DPPA3: variants seen among roughly 807,000 people sequenced by gnomAD.
DPPA3 encodes the protein developmental pluripotency associated 3.
DPPA3 carries 9 observed loss-of-function variants against 15.6 expected under a neutral mutation model. That is an observed-to-expected ratio of 0.58 (90% CI 0.35 to 1.01). The LOEUF (loss-of-function observed/expected upper bound fraction) is 1.01. DPPA3 is among the 50% of genes least tolerant of loss of function. The probability of loss-of-function intolerance (pLI) is 0.02; values close to 1 mark genes in which losing one functional copy is unlikely to be tolerated. For missense variants in DPPA3, 148 were observed against 194.6 expected (o/e 0.76, Z 1.42); for synonymous variants, 61 against 70.9 (o/e 0.86, Z 0.70).
At position 7,711,599 on chromosome 12, in the gene DPPA3, A is replaced by G. The variant is rs1837492829; in HGVS notation, c.29A>G (p.Tyr10Cys). 3 of 1,613,754 alleles carry G rather than the reference A, an allele frequency of 1.9e-6. No homozygotes were observed. The highest frequency in any genetic ancestry group is 2.2e-5 in the East Asian group (1 of 44,838). Residue 10 changes from tyrosine (Y) to cysteine (C), a missense_variant, in exon 1 of 4, where the codon TAC becomes TGC. Tyr to Cys is a radical substitution (Grantham distance 194). Coordinates refer to ENST00000345088, the MANE Select transcript of DPPA3 (RefSeq NM_199286.4). MDPSQFNPT[Y>C]IPGSPQMLTE... ...GACCCATCACAGTTTAATCCAACCT[A>G]CATCCCAGGGTCTCCACAAATGCTC...
chr12:7,712,583 A>AT (rs1230984092), intron 1 of DPPA3, among the ~76,000 whole-genome samples: 1 of 151,984 alleles, frequency 6.6e-6, no homozygotes, highest in Non-Finnish European at 1.5e-5. Flanking sequence ...AAGTAGCTGG[A>AT]TTACAGGCAT....
chr12:7,713,663 G>A (rs1297367651), intron 1 of DPPA3, among the ~76,000 whole-genome samples: 1 of 152,174 alleles, frequency 6.6e-6, no homozygotes, highest in Non-Finnish European at 1.5e-5. Flanking sequence ...CCATGAAGGA[G>A]CTGGGCAACT....
Position 7,716,203 on chromosome 12 carries a change from A to T in DPPA3, c.333A>T (p.Glu111Asp). ...CATATTTTTTTCCCATGAAGCATGAAAGAAGACCAACAAACAAGGAGCCTA... is the reference window on the plus strand; with the variant it reads ...CATATTTTTTTCCCATGAAGCATGATAGAAGACCAACAAACAAGGAGCCTA... ...YMLLGGVRTHERRPTNKEPKG... is the reference protein window; with the variant it reads ...YMLLGGVRTHDRRPTNKEPKG... Residue 111 changes from glutamate (E) to aspartate (D), a missense_variant, in exon 3 of 4, where the codon GAA (glutamate) becomes GAT (aspartate). Coordinates refer to ENST00000345088, the MANE Select transcript of DPPA3 (RefSeq NM_199286.4). The T allele has an allele frequency of 1.2e-6, 2 of 1,606,010 alleles. No individual in the cohort carries two copies. Among genetic ancestry groups the T allele is most frequent in the Non-Finnish European group, 1.7e-6 (2 of 1,175,898 alleles).
intron 1 of DPPA3, 40 bp downstream of exon 1, chr12:7,711,692 G>A (rs200760170): frequency 1.1e-5 from 16 of 1,396,138 alleles, no homozygotes; most frequent in South Asian, 2.5e-5. Context: ...CTGACTATAG[G>A]GGGGTTGGGA....
chr12:7,712,953 G>A (rs917671541), intron 1 of DPPA3, among the ~76,000 whole-genome samples: 1 of 152,216 alleles, frequency 6.6e-6, no homozygotes. Context: ...AAAATGGAAG[G>A]GAGAGGCCGT....
At chr12:7,713,373 T>A (rs1864366585) in intron 1 of DPPA3, among the ~76,000 whole-genome samples, 1 of 152,228 alleles carries the variant, frequency 6.6e-6, no homozygotes, top group Non-Finnish European at 1.5e-5. Context: ...TCCCTTTCCT[T>A]GCGTCTGCCT....
intron 1 of DPPA3, among the ~76,000 whole-genome samples, chr12:7,713,060 T>C (rs1162686283): frequency 6.6e-6 from 1 of 152,216 alleles, no homozygotes; most frequent in African/African-American, 2.4e-5. Flanking sequence ...ATAGGCCGGG[T>C]CTTCCGGTGG....
rs1406392754 is a variant in DPPA3, at chr12:7,716,977, G to T, written c.380G>T (p.Arg127Ile). 15 of 1,612,344 alleles carry T rather than the reference G, an allele frequency of 9.3e-6. No individual in the cohort carries two copies. Among genetic ancestry groups the T allele is most frequent in the East Asian group, 2.2e-5 (1 of 44,838 alleles). Reference sequence around the variant, plus strand: ...ATCATTTTTTTTCAGAAGGAATCAAGACCATTCAAATGTCCCTGCAGTTTC... The same window carrying T: ...ATCATTTTTTTTCAGAAGGAATCAATACCATTCAAATGTCCCTGCAGTTTC... Reference protein sequence around the residue: ...KEPKGVKKESRPFKCPCSFCV... With the variant: ...KEPKGVKKESIPFKCPCSFCV... Residue 127 changes from arginine (R) to isoleucine (I), a missense_variant, in exon 4 of 4, where the codon AGA (arginine) becomes ATA (isoleucine). Coordinates refer to ENST00000345088, the MANE Select transcript of DPPA3 (RefSeq NM_199286.4).
In DPPA3 at chr12:7,711,605, C is replaced by T. The variant is rs765403550; in HGVS notation, c.35C>T (p.Pro12Leu). 8.7e-6 allele frequency: 14 copies of T among 1,613,604 alleles called. No homozygotes were observed. The highest frequency in any genetic ancestry group is 1.3e-5 in the African/African-American group (1 of 74,860). ...TCACAGTTTAATCCAACCTACATCCCAGGGTCTCCACAAATGCTCACCGAA... is the reference window on the plus strand; with the variant it reads ...TCACAGTTTAATCCAACCTACATCCTAGGGTCTCCACAAATGCTCACCGAA... ...DPSQFNPTYI[P>L]GSPQMLTEEN... The change falls in exon 1 of 4, where the codon CCA becomes CTA. Residue 12 changes from proline to leucine, a missense_variant. Coordinates refer to ENST00000345088, the MANE Select transcript of DPPA3 (RefSeq NM_199286.4).
intron 1 of DPPA3, among the ~76,000 whole-genome samples, chr12:7,714,601 G>A (rs951408846): frequency 3.3e-5 from 5 of 151,840 alleles, no homozygotes; most frequent in Non-Finnish European, 5.9e-5. Context: ...GCAAACCTCC[G>A]CTTCCCGGAT....
intron 1 of DPPA3, among the ~76,000 whole-genome samples, chr12:7,712,629 G>A (rs1864357233): frequency 6.6e-6 from 1 of 152,108 alleles, no homozygotes; most frequent in Non-Finnish European, 1.5e-5. Flanking sequence ...TGTATTTTTA[G>A]TAGAGACAGG....
chr12:7,716,162 G>C (rs945455198), intron 2 of DPPA3, 36 bp from the exon 3 acceptor site: 1 of 1,511,174 alleles, frequency 6.6e-7, no homozygotes, highest in Non-Finnish European at 9.0e-7. Flanking sequence ...TCTTTTTCTT[G>C]ATAGTTTTCA....
chr12:7,714,711 TTTTA>T (rs1250729333), intron 1 of DPPA3, among the ~76,000 whole-genome samples: 3 of 142,460 alleles, frequency 2.1e-5, no homozygotes, highest in African/African-American at 5.1e-5. Context: ...CTATTTTTAT[TTTTA>T]TTTATTTATT....
intron 3 of DPPA3, 70 bp from the exon 4 acceptor site, chr12:7,716,897 T>C: frequency 7.3e-7 from 1 of 1,361,790 alleles, no homozygotes; most frequent in Non-Finnish European, 1.0e-6. Context: ...AACAACATTA[T>C]AGTTGAGGGC....
At chr12:7,713,173 C>T (rs1864363698) in intron 1 of DPPA3, among the ~76,000 whole-genome samples, 1 of 152,236 alleles carries the variant, frequency 6.6e-6, no homozygotes. Flanking sequence ...GGCTGGGTGT[C>T]TAGGGTGGTG....
chr12:7,715,832 TG>T (rs1255696861), intron 2 of DPPA3, among the ~76,000 whole-genome samples: 2 of 151,946 alleles, frequency 1.3e-5, no homozygotes, highest in Non-Finnish European at 2.9e-5. Context: ...CTGTAATCCC[TG>T]CACTTTGGAA....
At chr12:7,715,039 A>C in intron 1 of DPPA3, 144 bp from the exon 2 acceptor site, 1 of 1,255,866 alleles carries the variant, frequency 8.0e-7, no homozygotes, top group Non-Finnish European at 1.1e-6. Flanking sequence ...AGAAAAGACT[A>C]GAGGTTGTGC....
chr12:7,714,178 C>T (rs891472534), intron 1 of DPPA3, among the ~76,000 whole-genome samples: 19 of 151,874 alleles, frequency 1.3e-4, no homozygotes, highest in Admixed American at 3.9e-4. Context: ...TGCAGTGAGC[C>T]GAGATGGCGC....
At chr12:7,714,715 A>T (rs1864379413) in intron 1 of DPPA3, among the ~76,000 whole-genome samples, 1 of 136,176 alleles carries the variant, frequency 7.3e-6, no homozygotes, top group Non-Finnish European at 1.7e-5. Flanking sequence ...TTTTATTTTT[A>T]TTTATTTATT....
Sources: gnomAD v4.1 joint callset for allele counts (sites outside exome capture counted in the v4.1 genomes callset) on GRCh38, gnomAD v4.1.1 for gene constraint, MANE v1.5 for transcripts, NCBI Gene and HGNC (gene_info 2026-07-23, HGNC 2026-07-21) for gene names.